Variants in SLIT1 observed in about 807,000 individuals in gnomAD.
The protein encoded by SLIT1 is slit guidance ligand 1.
SLIT1 carries 66 observed loss-of-function variants against 186.1 expected under a neutral mutation model. The ratio of observed to expected loss-of-function variants is 0.35; its 90% CI spans 0.29 to 0.44. The LOEUF (loss-of-function observed/expected upper bound fraction) is 0.44, where lower values mean the gene tolerates loss of function less well. SLIT1 is among the 20% of genes least tolerant of loss of function. The pLI, the probability that SLIT1 is intolerant of heterozygous loss-of-function variation, is 1.00. For missense variants in SLIT1, 1,638 were observed against 2,037.4 expected, an observed-to-expected ratio of 0.80 and a Z score of 3.77; for synonymous variants, 761 against 833.8, an observed-to-expected ratio of 0.91 and a Z score of 1.50.
chr10:97,137,442 A>C (rs1345458303), intron 4 of SLIT1, among the ~76,000 whole-genome samples: 4 of 152,220 alleles, frequency 2.6e-5, no homozygotes, highest in Admixed American at 6.5e-5. Flanking sequence ...AGATGCTGGA[A>C]ATGTAATTGT....
At chr10:97,168,072 T>TG (rs1850142951) in intron 1 of SLIT1, among the ~76,000 whole-genome samples, 1 of 152,226 alleles carries the variant, frequency 6.6e-6, no homozygotes. Context: ...CAGAATGAGC[T>TG]GGGGGCTGCA....
At chr10:97,058,033 A>G in intron 11 of SLIT1, 1 of 717,524 alleles carries the variant, frequency 1.4e-6, no homozygotes, top group Non-Finnish European at 2.6e-6. Context: ...AGTGAGGCAC[A>G]GCAACAGCAA....
intron 1 of SLIT1, among the ~76,000 whole-genome samples, chr10:97,176,034 G>A (rs1850251837): frequency 6.6e-6 from 1 of 152,212 alleles, no homozygotes; most frequent in South Asian, 2.1e-4. Context: ...ATGAATGAAT[G>A]AGTGAATGAA....
At chr10:97,158,020 C>T (rs1849973752) in intron 3 of SLIT1, 131 bp from the exon 4 acceptor site, 4 of 720,700 alleles carry the variant, frequency 5.6e-6, no homozygotes, top group Non-Finnish European at 7.4e-6. Flanking sequence ...ATGTGGCATC[C>T]CAGGGAAATT....
chr10:97,033,095 A>T (rs568747216), intron 23 of SLIT1, among the ~76,000 whole-genome samples: 42 of 147,142 alleles, frequency 2.9e-4, no homozygotes, highest in African/African-American at 1.1e-3. Flanking sequence ...GTCACCCAGG[A>T]TGGGGTGCAG....
At chr10:97,162,661 T>G (rs1850044514) in intron 3 of SLIT1, among the ~76,000 whole-genome samples, 1 of 152,124 alleles carries the variant, frequency 6.6e-6, no homozygotes, top group Admixed American at 6.6e-5. Context: ...TACATGATTT[T>G]TAGCCATGTC....
At chr10:97,172,473 A>G (rs1020042184) in intron 1 of SLIT1, among the ~76,000 whole-genome samples, 1 of 152,248 alleles carries the variant, frequency 6.6e-6, no homozygotes, top group Non-Finnish European at 1.5e-5. Context: ...AACACAGAAC[A>G]TGGCACATGA....
chr10:97,056,180 G>T (rs1374018454), intron 13 of SLIT1, 141 bp downstream of exon 13: 3 of 856,500 alleles, frequency 3.5e-6, no homozygotes, highest in Non-Finnish European at 5.4e-6. Flanking sequence ...TCTAACCCAG[G>T]TCTGTGTCCT....
At chr10:97,131,097 C>T (rs369882599) in intron 4 of SLIT1, among the ~76,000 whole-genome samples, 26 of 152,104 alleles carry the variant, frequency 1.7e-4, no homozygotes, top group South Asian at 4.2e-4. Flanking sequence ...TGGAGCAGGC[C>T]GAGCAAGGGC....
chr10:97,117,223 A>G (rs1232871767), intron 4 of SLIT1, among the ~76,000 whole-genome samples: 3 of 152,166 alleles, frequency 2.0e-5, no homozygotes, highest in Non-Finnish European at 2.9e-5. Flanking sequence ...AAGGAGCCCA[A>G]CCCTGAAAGA....
At chr10:97,118,460 A>T (rs767378741) in intron 4 of SLIT1, among the ~76,000 whole-genome samples, 6 of 151,840 alleles carry the variant, frequency 4.0e-5, no homozygotes, top group Non-Finnish European at 5.9e-5. Flanking sequence ...CACACTCCAG[A>T]CTCCAGCCCA....
chr10:97,012,136 A>T (rs1251239040), intron 30 of SLIT1, among the ~76,000 whole-genome samples: 1 of 149,616 alleles, frequency 6.7e-6, no homozygotes, highest in Non-Finnish European at 1.5e-5. Context: ...ACACGCACAC[A>T]TTCGAAACCA....
At chr10:97,102,101 T>C (rs1849361207) in intron 4 of SLIT1, 1 of 152,108 alleles carries the variant, frequency 6.6e-6, no homozygotes, top group Admixed American at 6.6e-5. Flanking sequence ...TGACACAAGA[T>C]CCCAGGGTGA....
intron 4 of SLIT1, among the ~76,000 whole-genome samples, chr10:97,136,357 T>C (rs552487682): frequency 6.6e-5 from 10 of 152,340 alleles, no homozygotes; most frequent in Middle Eastern, 3.4e-3. Context: ...GGCTTTACCA[T>C]GAAGTTAAGG....
rs369905639 is a variant in SLIT1, at chr10:97,064,025, C to A, written c.629+143G>T. 2.9e-5 allele frequency: 20 copies of A among 688,778 alleles called. No homozygotes were observed. In the Admixed American group the frequency reaches 4.7e-4, roughly 16 times the overall value. The allele number at this position is 688,778 out of a possible 1,614,324, so 42.7% of individuals were successfully genotyped here. Reference sequence around the variant, plus strand: ...TCCTTCCGCCTCCGAGAGCATGAAGCCCCCAGCCTGGGCTGGCCTCTGGGG... The same window carrying A: ...TCCTTCCGCCTCCGAGAGCATGAAGACCCCAGCCTGGGCTGGCCTCTGGGG... On this transcript the variant is annotated intron_variant, in intron 7 of 36. Coordinates refer to ENST00000266058, the MANE Select transcript of SLIT1 (RefSeq NM_003061.3).
chr10:97,048,422 C>A (rs573958374), intron 14 of SLIT1, among the ~76,000 whole-genome samples: 1 of 152,296 alleles, frequency 6.6e-6, no homozygotes, highest in East Asian at 1.9e-4. Flanking sequence ...AGGCTCCTAT[C>A]TCACTAAGGA....
intron 21 of SLIT1, 73 bp from the exon 22 acceptor site, chr10:97,037,839 C>T (rs1848654746): frequency 7.7e-7 from 1 of 1,300,940 alleles, no homozygotes; most frequent in African/African-American, 1.4e-5. Context: ...GACAGCCTTC[C>T]CTGCAGCCAG....
intron 5 of SLIT1, 22 bp from the exon 6 acceptor site, chr10:97,064,898 T>C (rs1267618645): frequency 6.2e-7 from 1 of 1,604,936 alleles, no homozygotes; most frequent in Admixed American, 1.7e-5. Flanking sequence ...AGGAAGGTTG[T>C]AGAGAGAAGG....
Position 97,004,891 on chromosome 10 carries a change from G to A in SLIT1, c.3580-68C>T. Reference sequence around the variant, plus strand: ...GCAGCGGCACAGGCTAGCAGATGGGGCAGAGAGGGCACCCAAGATTGGAAG... The same window carrying A: ...GCAGCGGCACAGGCTAGCAGATGGGACAGAGAGGGCACCCAAGATTGGAAG... On this transcript the variant is annotated intron_variant, in intron 32 of 36. Coordinates refer to ENST00000266058, the MANE Select transcript of SLIT1 (RefSeq NM_003061.3). This position sits in a 1 kb window ranked among gnomAD's most constrained non-coding sequence, Gnocchi z 5.1. The A allele has an allele frequency of 1.3e-6, 2 of 1,576,000 alleles. No homozygotes were observed. Among genetic ancestry groups the A allele is most frequent in the South Asian group, 2.2e-5 (2 of 89,066 alleles).
Sources: gnomAD v4.1 joint callset for allele counts (sites outside exome capture counted in the v4.1 genomes callset) on GRCh38, gnomAD v4.1.1 for gene constraint, Gnocchi (gnomAD v3.1) non-coding constraint, MANE v1.5 for transcripts, NCBI Gene and HGNC (gene_info 2026-07-23, HGNC 2026-07-21) for gene names.